RAB26: variants seen among roughly 807,000 people sequenced by gnomAD.
RAB26 encodes RAB26, member RAS oncogene family.
A neutral mutation model predicts 33.1 loss-of-function variants in RAB26; 39 were observed. The observed-to-expected ratio is 1.18, with a 90% CI of 0.91 to 1.54. RAB26 has a LOEUF of 1.54. Among genes scored for constraint, RAB26 ranks in the 40% most tolerant of loss-of-function variants. RAB26 has a pLI of 0.00. For missense variants in RAB26, 468 were observed against 362.9 expected, an observed-to-expected ratio of 1.29 and a Z score of -2.35; for synonymous variants, 192 against 151.9, an observed-to-expected ratio of 1.26 and a Z score of -1.94.
At chr16:2,149,002 G>C in intron 1 of RAB26, 24 bp downstream of exon 1, 1 of 1,268,418 alleles carries the variant, frequency 7.9e-7, no homozygotes, top group Non-Finnish European at 9.9e-7. Context: ...CCGCCCCCCA[G>C]GCCAGCGCAG....
intron 2 of RAB26, among the ~76,000 whole-genome samples, chr16:2,150,463 G>GCCCACC (rs1275331016): frequency 2.4e-4 from 37 of 151,938 alleles, no homozygotes; most frequent in South Asian, 1.2e-3. Context: ...GGTGAGGAGC[G>GCCCACC]CCCACCCCCA....
chr16:2,150,043 G>A lies in RAB26; in HGVS notation c.298G>A (p.Asp100Asn). 6.5e-7 allele frequency: 1 copy of A among 1,542,362 alleles called. No homozygotes were observed. The highest frequency in any genetic ancestry group is 2.5e-5 in the East Asian group (1 of 39,946). ...GACCTTCATCTCCACCGTAGGCATT[G>A]ACTTCCGGGTGAGTGGAGGCCCTGG... ...AGTFISTVGIDFRNKVLDVDG... is the reference protein window; with the variant it reads ...AGTFISTVGINFRNKVLDVDG... Residue 100 changes from aspartate (D) to asparagine (N), a missense_variant, in exon 2 of 9, where the codon GAC becomes AAC. By Grantham distance (23) the Asp-to-Asn change is conservative. Transcript: ENST00000210187.
Position 2,148,882 on chromosome 16 carries a change from T to C in RAB26, c.99T>C (p.Thr33=). ...GGGCCCGACCGGCGCGCTCCGGGAC[T>C]GCGCTTTCCGGCCCCGACGCGCCGC... ...ANGARPARSG[T]ALSGPDAPPN... Residue 33 remains threonine (T), a synonymous_variant, in exon 1 of 9, where the codon ACT becomes ACC. Transcript: ENST00000210187. 7.3e-7 allele frequency: 1 copy of C among 1,368,372 alleles called. No homozygotes were observed. Among genetic ancestry groups the C allele is most frequent in the Non-Finnish European group, 9.5e-7 (1 of 1,057,824 alleles). The allele number at this position is 1,368,372 out of a possible 1,614,324, so 84.8% of individuals were successfully genotyped here. A position where few individuals can be genotyped will look rare whatever the true frequency, so the allele number is the denominator to read the frequency against.
At chr16:2,149,303 CTTTTTTTTTTTT>C (rs756125935) in intron 1 of RAB26, among the ~76,000 whole-genome samples, 9 of 116,032 alleles carry the variant, frequency 7.8e-5, no homozygotes, top group Non-Finnish European at 1.0e-4. Flanking sequence ...GGCTGTGGGC[CTTTTTTTTTTTT>C]TTTTTTTTTT....
At chr16:2,152,280 C>G (rs1376878155) in intron 5 of RAB26, among the ~76,000 whole-genome samples, 2 of 152,150 alleles carry the variant, frequency 1.3e-5, no homozygotes, top group Non-Finnish European at 2.9e-5. Flanking sequence ...CGTTTTGGCA[C>G]ACACCTGTAA....
intron 2 of RAB26, 48 bp from the exon 3 acceptor site, chr16:2,151,521 A>T (rs1269290642): frequency 6.2e-7 from 1 of 1,612,028 alleles, no homozygotes; most frequent in African/African-American, 1.3e-5. Context: ...GTGGGACCAG[A>T]GGCTGGGCTG....
intron 5 of RAB26, among the ~76,000 whole-genome samples, chr16:2,152,198 T>A (rs1290395036): frequency 6.6e-6 from 1 of 152,188 alleles, no homozygotes; most frequent in Non-Finnish European, 1.5e-5. Context: ...TCACCTGAGG[T>A]CAGGAGTTCG....
At chr16:2,152,711 A>AC in intron 5 of RAB26, 109 bp from the exon 6 acceptor site, 1 of 816,998 alleles carries the variant, frequency 1.2e-6, no homozygotes, top group Non-Finnish European at 1.8e-6. Flanking sequence ...AAAAAAAAAA[A>AC]AAAAAGATAA....
Position 2,153,578 on chromosome 16 carries a change from C to A in RAB26, c.*157C>A. On this transcript the variant is annotated 3_prime_UTR_variant, in exon 9 of 9. Coordinates refer to ENST00000210187, the MANE Select transcript of RAB26 (RefSeq NM_014353.5). ...AAGCCTTGTCCCTTCCTCCTCCCAG[C>A]AACAGTCCCAACAAGCAGGCTTCTG... 2 of 688,740 alleles carry A rather than the reference C, an allele frequency of 2.9e-6. No individual in the cohort carries two copies. Among genetic ancestry groups the A allele is most frequent in the Non-Finnish European group, 5.0e-6 (2 of 398,832 alleles). 42.7% of individuals were successfully genotyped at this position (688,740 alleles called of 1,614,324 possible). A position where few individuals can be genotyped will look rare whatever the true frequency, so the allele number is the denominator to read the frequency against.
rs771745077 is a variant in RAB26 at position 2,153,378 on chromosome 16, A to AC, written c.729dup (p.Val244ArgfsTer2). ...GAGCCGCGCTTCCGGCTGCATGATT[A>AC]CGTTAAGAGGGAGGGTCGAGGGGCC... is the stretch of plus-strand genomic sequence containing the variant. On this transcript the variant is annotated frameshift_variant, in exon 9 of 9. Transcript: ENST00000210187. LOFTEE classifies it high-confidence loss of function. The AC allele has an allele frequency of 6.2e-7, 1 of 1,613,508 alleles. No individual in the cohort carries two copies. The highest frequency in any genetic ancestry group is 8.5e-7 in the Non-Finnish European group (1 of 1,180,018).
At position 2,153,315 on chromosome 16, in the gene RAB26, G is replaced by T. The variant is rs112925114; in HGVS notation, c.669-4G>T. On this transcript the variant is annotated splice_region_variant and splice_polypyrimidine_tract_variant and intron_variant, in intron 8 of 8. Coordinates refer to ENST00000210187, the MANE Select transcript of RAB26 (RefSeq NM_014353.5). Reference sequence around the variant, plus strand: ...CGTGTCCCCTTGTCACCCCCACTCCGCAGGGAGTTGAAGCAGCGCTCCATG... The same window carrying T: ...CGTGTCCCCTTGTCACCCCCACTCCTCAGGGAGTTGAAGCAGCGCTCCATG... The T allele has an allele frequency of 5.1e-5, 82 of 1,613,438 alleles. No homozygotes were observed. In the East Asian group the frequency reaches 1.7e-3, roughly 34 times the overall value.
Position 2,151,568 on chromosome 16 carries a change from G to T in RAB26, c.307-1G>T. ...GAGCTGCCTGGTTCTGTCTGTTTCA[G>T]AACAAAGTTCTGGACGTGGATGGTG... On this transcript the variant is annotated splice_acceptor_variant, in intron 2 of 8. Coordinates refer to ENST00000210187, the MANE Select transcript of RAB26 (RefSeq NM_014353.5). LOFTEE classifies it high-confidence loss of function. 1 of 1,613,870 alleles carries T rather than the reference G, an allele frequency of 6.2e-7. No individual in the cohort carries two copies. Among genetic ancestry groups the T allele is most frequent in the South Asian group, 1.1e-5 (1 of 91,074 alleles).
rs1386548731 is a variant in RAB26, at chr16:2,152,987, A to C, written c.535-2A>C. On this transcript the variant is annotated splice_acceptor_variant, in intron 6 of 8. Coordinates refer to ENST00000210187, the MANE Select transcript of RAB26 (RefSeq NM_014353.5). LOFTEE classifies it high-confidence loss of function. Reference sequence around the variant, plus strand: ...TTCACCAAGACCCTGTGCCTGGGCCAGGTGGACTCTGCCCATGAGCGTGTG... The same window carrying C: ...TTCACCAAGACCCTGTGCCTGGGCCCGGTGGACTCTGCCCATGAGCGTGTG... The C allele has an allele frequency of 6.3e-7, 1 of 1,586,378 alleles. No homozygotes were observed. Among genetic ancestry groups the C allele is most frequent in the Non-Finnish European group, 8.6e-7 (1 of 1,162,542 alleles).
rs755769592 is a variant in RAB26 at position 2,151,887 on chromosome 16, G to A, written c.447G>A (p.Lys149=). ...ALLLLYDVTN[K]ASFDNIQAWL... is the part of the protein sequence containing the mutation. Reference sequence around the variant, plus strand: ...TGCTGCTCTACGATGTCACCAACAAGGCCTCCTTTGACAACATCCAGGTCA... The same window carrying A: ...TGCTGCTCTACGATGTCACCAACAAAGCCTCCTTTGACAACATCCAGGTCA... Residue 149 remains lysine (K), a synonymous_variant, in exon 5 of 9, where the codon AAG becomes AAA. Coordinates refer to ENST00000210187, the MANE Select transcript of RAB26 (RefSeq NM_014353.5). 2.5e-6 allele frequency: 4 copies of A among 1,614,148 alleles called. No individual in the cohort carries two copies. In the East Asian group the frequency reaches 8.9e-5, roughly 36 times the overall value.
rs993204195 is a variant in RAB26 at position 2,153,773 on chromosome 16, C to A, written c.*352C>A. 1.4e-5 allele frequency: 7 copies of A among 493,230 alleles called. No homozygotes were observed. The highest frequency in any genetic ancestry group is 6.9e-5 in the Admixed American group (3 of 43,530). 30.6% of individuals were successfully genotyped at this position (493,230 alleles called of 1,614,324 possible). ...GCACAGTGCCTAACCCTAGAAAAGC[C>A]ATGTCTTCAGCCGCACATGCTCAGG... On this transcript the variant is annotated 3_prime_UTR_variant, in exon 9 of 9. Coordinates refer to ENST00000210187, the MANE Select transcript of RAB26 (RefSeq NM_014353.5).
In RAB26 at chr16:2,151,698, T is replaced by C; in HGVS notation, c.352T>C (p.Trp118Arg). The change falls in exon 4 of 9, where the codon TGG (tryptophan) becomes CGG (arginine). Residue 118 changes from tryptophan to arginine, a missense_variant. Coordinates refer to ENST00000210187, the MANE Select transcript of RAB26 (RefSeq NM_014353.5). ...VDGVKVKLQM[W>R]DTAGQERFRS... ...TGACCAGTGCCTGTCGCTGCAGATG[T>C]GGGACACAGCTGGTCAGGAGCGGTT... is the stretch of plus-strand genomic sequence containing the variant. 1 of 1,613,972 alleles carries C rather than the reference T, an allele frequency of 6.2e-7. No homozygotes were observed. Among genetic ancestry groups the C allele is most frequent in the Non-Finnish European group, 8.5e-7 (1 of 1,180,000 alleles).
intron 8 of RAB26, 28 bp downstream of exon 8, chr16:2,153,250 C>T: frequency 6.2e-7 from 1 of 1,613,654 alleles, no homozygotes; most frequent in Non-Finnish European, 8.5e-7. Context: ...CCAGGACTCC[C>T]CCAGCCCAGG....
At chr16:2,149,156 T>TG (rs901427301) in intron 1 of RAB26, among the ~76,000 whole-genome samples, 178 bp downstream of exon 1, 1 of 152,028 alleles carries the variant, frequency 6.6e-6, no homozygotes, top group Non-Finnish European at 1.5e-5. Context: ...ATCCCAGGTC[T>TG]GGGGTATCCA....
At position 2,148,662 on chromosome 16, in the gene RAB26, G is replaced by C. The variant is rs867482683; in HGVS notation, c.-122G>C. ...CGCCCGGGATGATGCCGCCGCCGCC[G>C]CCGCCGCCGCCGCCGCCGCCAGGGG... On this transcript the variant is annotated 5_prime_UTR_variant, in exon 1 of 9. Coordinates refer to ENST00000210187, the MANE Select transcript of RAB26 (RefSeq NM_014353.5). 1 of 905,816 alleles carries C rather than the reference G, an allele frequency of 1.1e-6. No homozygotes were observed. Among genetic ancestry groups the C allele is most frequent in the Non-Finnish European group, 1.4e-6 (1 of 729,666 alleles). 56.1% of individuals were successfully genotyped at this position (905,816 alleles called of 1,614,324 possible).
Sources: gnomAD v4.1 joint callset for allele counts (sites outside exome capture counted in the v4.1 genomes callset) on GRCh38, gnomAD v4.1.1 for gene constraint, MANE v1.5 for transcripts, NCBI Gene and HGNC (gene_info 2026-07-23, HGNC 2026-07-21) for gene names.